The following TPRG1 variants were observed in gnomAD, a reference collection of about 807,000 sequenced individuals.
TPRG1 encodes the protein tumor protein p63-regulated gene 1 protein.
A neutral mutation model predicts 29.3 loss-of-function variants in TPRG1; 29 were observed. That is an observed-to-expected ratio of 0.99 (90% confidence interval 0.74 to 1.35). TPRG1 has a LOEUF of 1.35. Among genes scored for constraint, TPRG1 ranks in the 40% most tolerant of loss-of-function variants. The pLI is 0.00. For synonymous variants in TPRG1, 130 were observed against 116.8 expected (o/e 1.11, Z -0.73); for missense variants, 327 against 335.0 (o/e 0.98, Z 0.19).
intron 1 of TPRG1, among the ~76,000 whole-genome samples, chr3:189,105,951 A>G (rs568757188): frequency 2.6e-5 from 4 of 152,206 alleles, no homozygotes; most frequent in African/African-American, 9.6e-5. Context: ...GCTGGGGTTA[A>G]TACCTAGGCG....
intron 4 of TPRG1, among the ~76,000 whole-genome samples, chr3:189,241,736 G>C (rs1274267155): frequency 6.6e-6 from 1 of 152,090 alleles, no homozygotes; most frequent in Non-Finnish European, 1.5e-5. Context: ...CTATTCTTGT[G>C]ATAATGAATA....
At chr3:189,011,827 C>A (rs1712616968) in intron 3 of TPRG1, among the ~76,000 whole-genome samples, 1 of 152,166 alleles carries the variant, frequency 6.6e-6, no homozygotes, top group Non-Finnish European at 1.5e-5. Context: ...ATTTGTAGTT[C>A]TCCTTGAAGA....
At chr3:189,014,405 G>A (rs1261368052) in intron 3 of TPRG1, among the ~76,000 whole-genome samples, 1 of 152,130 alleles carries the variant, frequency 6.6e-6, no homozygotes, top group African/African-American at 2.4e-5. Flanking sequence ...CCCCACTGTA[G>A]GTGACTTGGC....
chr3:189,207,536 C>T lies in TPRG1; in HGVS notation c.152C>T (p.Thr51Ile), dbSNP rs775767344. 1.9e-6 allele frequency: 3 copies of T among 1,614,092 alleles called. No individual in the cohort carries two copies. In the South Asian group the frequency reaches 3.3e-5, roughly 18 times the overall value. The change falls in exon 2 of 6, where the codon ACT (threonine) becomes ATT (isoleucine). Residue 51 changes from threonine to isoleucine, a missense_variant. Coordinates refer to ENST00000345063, the MANE Select transcript of TPRG1 (RefSeq NM_198485.4). ...AGGCAGTCAAGTGTGACCGAATCAA[C>T]TCTTTACCCCAATCCTTATCATCAG... ...ISRQSSVTESTLYPNPYHQPY... is the reference protein window; with the variant it reads ...ISRQSSVTESILYPNPYHQPY...
intron 4 of TPRG1, among the ~76,000 whole-genome samples, chr3:189,261,503 G>A (rs559156043): frequency 2.0e-4 from 31 of 152,110 alleles, no homozygotes; most frequent in African/African-American, 7.5e-4. Flanking sequence ...TTAACTGTAT[G>A]TTCTTTCTAA....
chr3:189,020,021 G>C lies in TPRG1; in HGVS notation c.-659-3729G>C, dbSNP rs1304978050. On this transcript the variant is annotated intron_variant, in intron 3 of 10. Transcript: ENST00000433971. Reference sequence around the variant, plus strand: ...CTAGATTTTCTAGTTTATTTGCGTAGAGGTGTTTGTAGTATTCTCTGATGG... The same window carrying C: ...CTAGATTTTCTAGTTTATTTGCGTACAGGTGTTTGTAGTATTCTCTGATGG... Among the ~76,000 whole-genome samples the C allele has an allele frequency of 5.3e-5, 8 of 151,964 alleles. No individual in the cohort carries two copies. In the East Asian group the frequency reaches 9.7e-4, roughly 18 times the overall value.
chr3:189,036,526 T>C (rs1206789723), intron 4 of TPRG1, among the ~76,000 whole-genome samples: 1 of 152,018 alleles, frequency 6.6e-6, no homozygotes, highest in East Asian at 1.9e-4. Flanking sequence ...GCTATAATTG[T>C]TTGCATATGT....
chr3:189,084,530 A>T (rs973666399), intron 4 of TPRG1, among the ~76,000 whole-genome samples: 8 of 152,206 alleles, frequency 5.3e-5, no homozygotes, highest in African/African-American at 1.9e-4. Flanking sequence ...TTTTCCATGT[A>T]TGCAACTTAA....
intron 4 of TPRG1, among the ~76,000 whole-genome samples, chr3:189,059,464 C>T (rs765177887): frequency 1.5e-4 from 23 of 151,770 alleles, no homozygotes; most frequent in Non-Finnish European, 7.4e-5. Context: ...TGGTGGCATG[C>T]GCCTGTAGTC....
intron 4 of TPRG1, among the ~76,000 whole-genome samples, chr3:189,057,227 T>G (rs1406259745): frequency 6.6e-6 from 1 of 152,226 alleles, no homozygotes; most frequent in Non-Finnish European, 1.5e-5. Context: ...GCTTATGGCT[T>G]GTGTTGCCAG....
chr3:189,076,299 G>A (rs2152162166), intron 4 of TPRG1, among the ~76,000 whole-genome samples: 1 of 152,246 alleles, frequency 6.6e-6, no homozygotes, highest in Non-Finnish European at 1.5e-5. Context: ...AATGAACACT[G>A]GGCTGTAAGT....
At chr3:189,262,792 G>A (rs1009396017) in intron 4 of TPRG1, among the ~76,000 whole-genome samples, 6 of 152,220 alleles carry the variant, frequency 3.9e-5, no homozygotes, top group African/African-American at 1.4e-4. Flanking sequence ...GGGGCTGGGG[G>A]ATGCTGTGGC....
chr3:189,028,274 C>T (rs1713761918), intron 4 of TPRG1, among the ~76,000 whole-genome samples: 1 of 152,176 alleles, frequency 6.6e-6, no homozygotes, highest in Non-Finnish European at 1.5e-5. Context: ...CTATTTGCCA[C>T]CCAAGATTGG....
upstream of TPRG1, among the ~76,000 whole-genome samples, chr3:189,166,986 T>A (rs1213321398): frequency 6.6e-6 from 1 of 152,102 alleles, no homozygotes; most frequent in Non-Finnish European, 1.5e-5. Context: ...GGGGAGATAA[T>A]CCAAAATTAA....
At chr3:189,255,075 G>A (rs1711591789) in intron 4 of TPRG1, among the ~76,000 whole-genome samples, 1 of 152,160 alleles carries the variant, frequency 6.6e-6, no homozygotes. Flanking sequence ...TAGGAGTGGT[G>A]AGAGAGGGCA....
chr3:189,106,397 C>T (rs1451324149), intron 1 of TPRG1, among the ~76,000 whole-genome samples: 2 of 152,086 alleles, frequency 1.3e-5, no homozygotes, highest in South Asian at 2.1e-4. Flanking sequence ...ATCTTGTTGC[C>T]CCCGACCCCA....
At chr3:189,150,430 C>T (rs1164170418) in intron 4 of TPRG1, among the ~76,000 whole-genome samples, 1 of 152,192 alleles carries the variant, frequency 6.6e-6, no homozygotes, top group East Asian at 1.9e-4. Context: ...ATTCACCCGC[C>T]TCGGCCTCCC....
At chr3:189,258,855 A>G (rs1579075220) in intron 4 of TPRG1, among the ~76,000 whole-genome samples, 1 of 152,042 alleles carries the variant, frequency 6.6e-6, no homozygotes, top group East Asian at 1.9e-4. Flanking sequence ...CCCCTCCCCC[A>G]ACCAAGCTCA....
At chr3:189,259,367 T>G (rs1002314351) in intron 4 of TPRG1, among the ~76,000 whole-genome samples, 2 of 151,154 alleles carry the variant, frequency 1.3e-5, no homozygotes, top group Admixed American at 1.3e-4. Context: ...ACTGGGTACC[T>G]CAGTTGGAAA....
Sources: gnomAD v4.1 joint callset for allele counts (sites outside exome capture counted in the v4.1 genomes callset) on GRCh38, gnomAD v4.1.1 for gene constraint, MANE v1.5 for transcripts, NCBI Gene and HGNC (gene_info 2026-07-23, HGNC 2026-07-21) for gene names.